LVRN: variants seen among roughly 807,000 people sequenced by gnomAD.
LVRN encodes the protein aminopeptidase Q.
In LVRN, 99 loss-of-function variants were observed where a neutral mutation model predicts 111.4. The observed-to-expected ratio is 0.89, with a 90% CI of 0.76 to 1.05. The LOEUF (loss-of-function observed/expected upper bound fraction) is 1.05. Among genes scored for constraint, LVRN ranks in the 50% least tolerant of loss-of-function variants. The probability of loss-of-function intolerance (pLI) is 0.00; values close to 1 mark genes in which losing one functional copy is unlikely to be tolerated. For missense variants in LVRN, 1,414 were observed against 1,206.8 expected, an observed-to-expected ratio of 1.17 and a Z score of -2.54; for synonymous variants, 488 against 449.5, an observed-to-expected ratio of 1.09 and a Z score of -1.08.
intron 15 of LVRN, among the ~76,000 whole-genome samples, chr5:116,013,101 G>A (rs1029301531): frequency 6.6e-6 from 1 of 152,112 alleles, no homozygotes; most frequent in Non-Finnish European, 1.5e-5. Context: ...TATAGGGAGG[G>A]ACTCTGTAGC....
At chr5:116,005,115 A>C (rs1477454239) in intron 12 of LVRN, among the ~76,000 whole-genome samples, 1 of 152,232 alleles carries the variant, frequency 6.6e-6, no homozygotes, top group Non-Finnish European at 1.5e-5. Flanking sequence ...AATAAAAGAG[A>C]ATCTTTATGA....
chr5:115,977,645 A>G (rs150982676), intron 1 of LVRN, among the ~76,000 whole-genome samples: 1 of 152,280 alleles, frequency 6.6e-6, no homozygotes, highest in Non-Finnish European at 1.5e-5. Context: ...ATGTACTTCA[A>G]AGCAGTCAGT....
At chr5:116,013,262 T>C (rs191226108) in intron 15 of LVRN, among the ~76,000 whole-genome samples, 1 of 152,264 alleles carries the variant, frequency 6.6e-6, no homozygotes, top group Admixed American at 6.5e-5. Flanking sequence ...TGCTAAGGGA[T>C]GTGATTAGAA....
At chr5:116,003,554 G>A (rs1183681347) in intron 12 of LVRN, among the ~76,000 whole-genome samples, 174 bp downstream of exon 12, 1 of 147,848 alleles carries the variant, frequency 6.8e-6, no homozygotes, top group Non-Finnish European at 1.5e-5. Context: ...TTGATTAAAT[G>A]TGTTGTCTGT....
chr5:115,991,907 T>C (rs1374000011), intron 4 of LVRN, among the ~76,000 whole-genome samples: 1 of 152,190 alleles, frequency 6.6e-6, no homozygotes, highest in Non-Finnish European at 1.5e-5. Context: ...TGAATACAAG[T>C]CCTTTATCAA....
chr5:115,993,714 C>T (rs769967045), intron 5 of LVRN, 27 bp from the exon 6 acceptor site: 1 of 1,415,224 alleles, frequency 7.1e-7, no homozygotes, highest in Non-Finnish European at 9.9e-7. Context: ...TTTAAGAAAG[C>T]TCTTTTTTTC....
intron 18 of LVRN, 129 bp from the exon 19 acceptor site, chr5:116,022,260 CAT>C: frequency 1.5e-6 from 1 of 648,182 alleles, no homozygotes; most frequent in Non-Finnish European, 2.7e-6. Flanking sequence ...CTAGTTCATA[CAT>C]GTTTTTACTT....
chr5:116,020,174 TTTAG>T (rs1748693760), intron 18 of LVRN: 1 of 152,188 alleles, frequency 6.6e-6, no homozygotes, highest in South Asian at 2.1e-4. Context: ...TGTGGGAAAA[TTTAG>T]TTAATTATTG....
chr5:115,981,214 C>G (rs1390486150), intron 1 of LVRN, among the ~76,000 whole-genome samples: 1 of 152,146 alleles, frequency 6.6e-6, no homozygotes, highest in East Asian at 1.9e-4. Flanking sequence ...ACTTTATATT[C>G]TTTTGCATAT....
intron 5 of LVRN, 28 bp from the exon 6 acceptor site, chr5:115,993,713 G>T: frequency 7.1e-7 from 1 of 1,403,360 alleles, no homozygotes; most frequent in Non-Finnish European, 1.0e-6. Context: ...ATTTAAGAAA[G>T]CTCTTTTTTT....
At chr5:116,006,897 C>T (rs1018282765) in intron 13 of LVRN, among the ~76,000 whole-genome samples, 22 of 152,160 alleles carry the variant, frequency 1.4e-4, no homozygotes, top group African/African-American at 4.8e-4. Context: ...TTTTTGTCTC[C>T]ACCTTGCTCT....
intron 1 of LVRN, among the ~76,000 whole-genome samples, chr5:115,978,252 A>C (rs1022685467): frequency 2.8e-4 from 43 of 152,160 alleles, no homozygotes; most frequent in African/African-American, 9.4e-4. Flanking sequence ...ACAGAGGAAA[A>C]TGTCATTTCA....
intron 10 of LVRN, 25 bp downstream of exon 10, chr5:116,001,264 C>T: frequency 6.2e-7 from 1 of 1,610,024 alleles, no homozygotes; most frequent in Admixed American, 1.7e-5. Flanking sequence ...TCCTCTTTGT[C>T]TTCACCTTCC....
At chr5:116,023,957 C>A (rs146979306) in intron 19 of LVRN, among the ~76,000 whole-genome samples, 2 of 152,226 alleles carry the variant, frequency 1.3e-5, no homozygotes, top group African/African-American at 4.8e-5. Flanking sequence ...GAATACTATA[C>A]TGAAATTTTT....
chr5:116,005,740 GATAA>G lies in LVRN; in HGVS notation c.2038-165_2038-162del, dbSNP rs942527680. The G allele has an allele frequency of 8.8e-6, 6 of 679,820 alleles. No homozygotes were observed. In the African/African-American group the frequency reaches 8.8e-5, roughly 10 times the overall value. 42.1% of individuals were successfully genotyped at this position (679,820 alleles called of 1,614,324 possible). ...TCATTTATTTCAAAAACATATGTAT[GATAA>G]ATAAATTATGGGGACTGTCCTCAGT... On this transcript the variant is annotated intron_variant, in intron 12 of 19. Coordinates refer to ENST00000357872, the MANE Select transcript of LVRN (RefSeq NM_173800.5).
At chr5:116,006,767 G>T (rs1418062435) in intron 13 of LVRN, among the ~76,000 whole-genome samples, 1 of 152,174 alleles carries the variant, frequency 6.6e-6, no homozygotes, top group Non-Finnish European at 1.5e-5. Flanking sequence ...AAGGTCCTCA[G>T]TAAATGTTTG....
At chr5:116,025,917 A>G (rs1748853799) in intron 19 of LVRN, 61 bp from the exon 20 acceptor site, 4 of 1,594,844 alleles carry the variant, frequency 2.5e-6, no homozygotes. Context: ...GCATTTAGAC[A>G]TTTACTTTGT....
At chr5:116,000,836 G>C (rs1211507856) in intron 9 of LVRN, among the ~76,000 whole-genome samples, 178 bp downstream of exon 9, 1 of 152,148 alleles carries the variant, frequency 6.6e-6, no homozygotes, top group Non-Finnish European at 1.5e-5. Flanking sequence ...GCCCAGAACA[G>C]AGCATGGAAT....
At chr5:115,982,927 A>T (rs1339597781) in intron 1 of LVRN, among the ~76,000 whole-genome samples, 1 of 152,206 alleles carries the variant, frequency 6.6e-6, no homozygotes, top group Non-Finnish European at 1.5e-5. Flanking sequence ...GCAATGGACC[A>T]TTCTCAAAGA....
Sources: allele counts gnomAD v4.1 joint callset (sites outside exome capture counted in the v4.1 genomes callset), GRCh38; gene constraint gnomAD v4.1.1; transcripts MANE v1.5; gene names NCBI Gene and HGNC (gene_info 2026-07-23, HGNC 2026-07-21).